The following NALF1 variants were observed in gnomAD, a reference collection of about 807,000 sequenced individuals.
The protein encoded by NALF1 is family with sequence similarity 155 member A.
Under a neutral mutation model 48.4 loss-of-function variants are expected in NALF1, and 3 were observed. The observed-to-expected ratio is 0.06, with a 90% CI of 0.03 to 0.16. The LOEUF (loss-of-function observed/expected upper bound fraction) is 0.16, where lower values mean the gene tolerates loss of function less well. NALF1 is among the 10% of genes least tolerant of loss of function. The pLI, the probability that NALF1 is intolerant of heterozygous loss-of-function variation, is 1.00. For missense variants in NALF1, 526 were observed against 571.5 expected (o/e 0.92, Z 0.81); for synonymous variants, 262 against 245.7 (o/e 1.07, Z -0.62).
chr13:107,811,460 T>C (rs66573335), intron 1 of NALF1, among the ~76,000 whole-genome samples: 26,190 of 152,058 alleles, frequency 0.17, 2,900 homozygotes, highest in African/African-American at 0.32. Context: ...ATATCTTACA[T>C]TGATTGACAT....
intron 1 of NALF1, among the ~76,000 whole-genome samples, chr13:107,385,038 CTAAAT>C (rs1202513612): frequency 6.6e-6 from 1 of 152,158 alleles, no homozygotes; most frequent in Non-Finnish European, 1.5e-5. Context: ...GGTTGTAAAA[CTAAAT>C]TATATAATCA....
chr13:107,166,079 A>G lies in NALF1; in HGVS notation c.*4418T>C, dbSNP rs893859141. The G allele has an allele frequency of 6.6e-6, 1 of 151,846 alleles. No individual in the cohort carries two copies. Among genetic ancestry groups the G allele is most frequent in the East Asian group, 1.9e-4 (1 of 5,170 alleles). The allele number at this position is 151,846 out of a possible 1,614,324, so 9.4% of individuals were successfully genotyped here. On this transcript the variant is annotated 3_prime_UTR_variant, in exon 3 of 3. Transcript: ENST00000375915. Reference sequence around the variant, plus strand: ...CTTTATATCTCTCTAAAGATATGCCATAGTATATAACCCTAACGCCTCATA... The same window carrying G: ...CTTTATATCTCTCTAAAGATATGCCGTAGTATATAACCCTAACGCCTCATA...
At chr13:107,489,416 G>A (rs1041754708) in intron 1 of NALF1, among the ~76,000 whole-genome samples, 2 of 152,032 alleles carry the variant, frequency 1.3e-5, no homozygotes, top group South Asian at 2.1e-4. Flanking sequence ...CATGGTACTC[G>A]TATAAAAACA....
intron 1 of NALF1, among the ~76,000 whole-genome samples, chr13:107,354,972 C>T (rs1882937457): frequency 6.6e-6 from 1 of 152,164 alleles, no homozygotes; most frequent in Admixed American, 6.5e-5. Flanking sequence ...GGACGTCACT[C>T]AAGGTTTGGA....
At chr13:107,693,072 A>G (rs1326241790) in intron 1 of NALF1, among the ~76,000 whole-genome samples, 7 of 152,168 alleles carry the variant, frequency 4.6e-5, no homozygotes, top group Non-Finnish European at 4.4e-5. Context: ...AGGAATCGCC[A>G]CACTGTCTTC....
At chr13:107,638,201 A>ATATATATATATATATATGTATATGTATG (rs372122331) in intron 1 of NALF1, among the ~76,000 whole-genome samples, 8 of 110,850 alleles carry the variant, frequency 7.2e-5, no homozygotes, top group African/African-American at 2.3e-4. Flanking sequence ...ATATATATAT[A>ATATATATATATATATATGTATATGTATG]TATATAATTT....
chr13:107,247,330 A>G (rs1281912498), intron 1 of NALF1, among the ~76,000 whole-genome samples: 1 of 152,180 alleles, frequency 6.6e-6, no homozygotes, highest in African/African-American at 2.4e-5. Context: ...TATTAGAACA[A>G]AATTCCTGGA....
At chr13:107,416,622 T>C (rs1473990592) in intron 1 of NALF1, among the ~76,000 whole-genome samples, 2 of 145,796 alleles carry the variant, frequency 1.4e-5, no homozygotes, top group Non-Finnish European at 2.9e-5. Context: ...ACACAAAACA[T>C]GTGTTAATGG....
At chr13:107,451,347 A>G (rs1884736882) in intron 1 of NALF1, among the ~76,000 whole-genome samples, 1 of 152,126 alleles carries the variant, frequency 6.6e-6, no homozygotes, top group Non-Finnish European at 1.5e-5. Context: ...TATTTATTTC[A>G]TCTTCTTTTG....
chr13:107,719,075 T>C (rs1875906946), intron 1 of NALF1, among the ~76,000 whole-genome samples: 1 of 152,244 alleles, frequency 6.6e-6, no homozygotes, highest in Non-Finnish European at 1.5e-5. Context: ...GTAGAGTGCC[T>C]GGGTCCCTAG....
intron 1 of NALF1, among the ~76,000 whole-genome samples, chr13:107,646,304 A>G (rs75793892): frequency 8.6e-5 from 13 of 151,410 alleles, no homozygotes; most frequent in Non-Finnish European, 1.2e-4. Flanking sequence ...AAAAAAAAAA[A>G]GCAACAAAAT....
intron 1 of NALF1, among the ~76,000 whole-genome samples, chr13:107,340,301 C>T (rs893563849): frequency 8.6e-5 from 13 of 151,784 alleles, no homozygotes; most frequent in African/African-American, 3.1e-4. Flanking sequence ...CCAACACGCC[C>T]GGCTAATTTT....
chr13:107,187,944 C>T (rs1025399185), intron 2 of NALF1, among the ~76,000 whole-genome samples: 2 of 152,234 alleles, frequency 1.3e-5, no homozygotes, highest in East Asian at 3.9e-4. Flanking sequence ...AATAGCATCC[C>T]ACTTTCCAGG....
At chr13:107,435,070 T>C (rs1027152047) in intron 1 of NALF1, among the ~76,000 whole-genome samples, 2 of 152,074 alleles carry the variant, frequency 1.3e-5, no homozygotes, top group African/African-American at 4.8e-5. Context: ...TTTGGTTCTA[T>C]GATGGGTTTA....
chr13:107,675,952 T>C (rs1336336196), intron 1 of NALF1, among the ~76,000 whole-genome samples: 1 of 152,114 alleles, frequency 6.6e-6, no homozygotes, highest in Non-Finnish European at 1.5e-5. Flanking sequence ...ACCAGATTTC[T>C]AGAGTCTCAT....
At chr13:107,424,472 G>A (rs1884245612) in intron 1 of NALF1, among the ~76,000 whole-genome samples, 1 of 152,096 alleles carries the variant, frequency 6.6e-6, no homozygotes, top group Admixed American at 6.5e-5. Context: ...AAACGTGATG[G>A]GGGAGGTGAT....
Position 107,793,996 on chromosome 13 carries a change from A to G in NALF1, c.915+71686T>C, listed in dbSNP as rs139355038. Among the ~76,000 whole-genome samples the G allele has an allele frequency of 5.6e-3, 848 of 152,314 alleles. 8 individuals carry two copies. The highest frequency in any genetic ancestry group is 0.019 in the African/African-American group (802 of 41,572). On this transcript the variant is annotated intron_variant, in intron 1 of 2. Transcript: ENST00000375915. Reference sequence around the variant, plus strand: ...GGACAATATGTCTGTAGACCTATTCATTCTTACTTCACAGCAAGGTAAAAC... The same window carrying G: ...GGACAATATGTCTGTAGACCTATTCGTTCTTACTTCACAGCAAGGTAAAAC...
intron 1 of NALF1, among the ~76,000 whole-genome samples, chr13:107,378,306 G>A (rs1205770373): frequency 2.0e-5 from 3 of 151,884 alleles, no homozygotes; most frequent in African/African-American, 7.3e-5. Flanking sequence ...AAGGAGTATT[G>A]GCTTTGTATA....
intron 1 of NALF1, among the ~76,000 whole-genome samples, chr13:107,467,085 C>T (rs570949627): frequency 2.1e-3 from 322 of 152,204 alleles, no homozygotes; most frequent in African/African-American, 7.6e-3. Flanking sequence ...AATATTTGAC[C>T]ACTTTTTCTA....
Sources: gnomAD v4.1 joint callset for allele counts (sites outside exome capture counted in the v4.1 genomes callset) on GRCh38, gnomAD v4.1.1 for gene constraint, MANE v1.5 for transcripts, NCBI Gene and HGNC (gene_info 2026-07-23, HGNC 2026-07-21) for gene names.